CSF1: variants seen among roughly 807,000 people sequenced by gnomAD.
CSF1 encodes the protein colony stimulating factor 1, also known as macrophage colony-stimulating factor 1.
In CSF1, 9 loss-of-function variants were observed where a neutral mutation model predicts 48.9. The ratio of observed to expected loss-of-function variants is 0.18; its 90% CI spans 0.11 to 0.32. The LOEUF (loss-of-function observed/expected upper bound fraction) is 0.32. Among genes scored for constraint, CSF1 ranks in the 10% least tolerant of loss-of-function variants. The pLI is 1.00. For missense variants in CSF1, 672 were observed against 697.9 expected (o/e 0.96, Z 0.42); for synonymous variants, 305 against 284.1 (o/e 1.07, Z -0.74).
intron 8 of CSF1, chr1:109,926,393 G>A (rs1234461685): frequency 1.3e-5 from 2 of 152,320 alleles, no homozygotes; most frequent in East Asian, 3.9e-4. Flanking sequence ...TGCAGTTTAT[G>A]TTCACCTTTG....
At position 109,912,031 on chromosome 1, in the gene CSF1, G is replaced by T. The variant is rs549339016; in HGVS notation, c.39+969G>T. 7.2e-5 allele frequency among the ~76,000 whole-genome samples: 11 copies of T among 152,162 alleles called. No individual in the cohort carries two copies. The East Asian group carries it at 2.1e-3, about 29-fold the overall frequency. On this transcript the variant is annotated intron_variant, in intron 1 of 8. Coordinates refer to ENST00000329608, the MANE Select transcript of CSF1 (RefSeq NM_000757.6). The stretch of plus-strand genomic sequence containing the variant: ...GAAAAGAGCAGAAAATTATTTGGGG[G>T]TAGAGGAGAGCGGGCTGCAGGTGAG...
chr1:109,916,451 C>T (rs1045358365), intron 3 of CSF1, among the ~76,000 whole-genome samples: 1 of 152,178 alleles, frequency 6.6e-6, no homozygotes, highest in Non-Finnish European at 1.5e-5. Flanking sequence ...CAGGTCTAGC[C>T]ATTCTCCACC....
At chr1:109,914,491 C>G in intron 2 of CSF1, 110 bp downstream of exon 2, 3 of 1,284,392 alleles carry the variant, frequency 2.3e-6, no homozygotes, top group Non-Finnish European at 3.1e-6. Context: ...TAGGGCAGTG[C>G]GGGACATTGC....
At chr1:109,924,329 G>A (rs767522630) in intron 6 of CSF1, 139 bp downstream of exon 6, 196 of 718,794 alleles carry the variant, frequency 2.7e-4, no homozygotes, top group Non-Finnish European at 4.1e-4. Flanking sequence ...TCAGCACAGA[G>A]GATGAGAGGT....
At chr1:109,913,293 C>T (rs561128774) in intron 1 of CSF1, among the ~76,000 whole-genome samples, 48 of 152,300 alleles carry the variant, frequency 3.2e-4, no homozygotes, top group Admixed American at 8.5e-4. Context: ...GGGCATCAGC[C>T]GCCAGGAGGC....
intron 1 of CSF1, among the ~76,000 whole-genome samples, chr1:109,913,181 A>AT (rs1654764379): frequency 6.6e-6 from 1 of 152,178 alleles, no homozygotes; most frequent in Non-Finnish European, 1.5e-5. Flanking sequence ...TGAGCAACTT[A>AT]TTTGCAGTAT....
rs1269965661 is a variant in CSF1, at chr1:109,923,950, G to A, written c.1329G>A (p.Arg443=). ...TGCCCCTTGGGGAGCTGGAGGGCAG[G>A]AGGAGCACCAGGGATCGGAGGAGCC... ...SVLPLGELEG[R]RSTRDRRSPA... is the part of the protein sequence containing the mutation. Residue 443 remains arginine, a synonymous_variant, in exon 6 of 9, where the codon AGG becomes AGA. Transcript: ENST00000329608. 1 of 1,614,082 alleles carries A rather than the reference G, an allele frequency of 6.2e-7. No individual in the cohort carries two copies. Among genetic ancestry groups the A allele is most frequent in the Admixed American group, 1.7e-5 (1 of 60,014 alleles).
rs774283172 is a variant in CSF1 at position 109,923,200 on chromosome 1, C to T, written c.579C>T (p.Tyr193=). The change falls in exon 6 of 9, where the codon TAC becomes TAT. Residue 193 remains tyrosine (Y), a synonymous_variant. Transcript: ENST00000329608. ...CCAAGCCTGATTGCAACTGCCTGTA[C>T]CCCAAAGCCATCCCTAGCAGTGACC... ...VVTKPDCNCL[Y]PKAIPSSDPA... The T allele has an allele frequency of 1.3e-6, 2 of 1,534,106 alleles. No homozygotes were observed. The highest frequency in any genetic ancestry group is 1.4e-5 in the African/African-American group (1 of 72,260).
Position 109,929,207 on chromosome 1 carries a change from GT to G in CSF1, c.*372del, listed in dbSNP as rs41374145. The G allele has an allele frequency of 3.9e-5, 6 of 152,784 alleles. No individual in the cohort carries two copies. Among genetic ancestry groups the G allele is most frequent in the Admixed American group, 2.0e-4 (3 of 15,296 alleles). 9.5% of individuals were successfully genotyped at this position (152,784 alleles called of 1,614,324 possible). On this transcript the variant is annotated 3_prime_UTR_variant, in exon 9 of 9. Transcript: ENST00000329608. ...CAGGCCAGGGACCCACCGGCCTGTG[GT>G]TTGTGGGAAAGCAGGGTGGACGCTG... is the stretch of plus-strand genomic sequence containing the variant.
chr1:109,926,856 GT>G (rs1647864579), intron 8 of CSF1: 1 of 151,822 alleles, frequency 6.6e-6, no homozygotes, highest in Non-Finnish European at 1.5e-5. Flanking sequence ...ACTTTTTTTT[GT>G]GTTTCTTTTT....
chr1:109,922,953 C>T (rs1381112804), intron 5 of CSF1, among the ~76,000 whole-genome samples: 1 of 152,142 alleles, frequency 6.6e-6, no homozygotes. Flanking sequence ...TATTCTTTGT[C>T]ACTGCTCATG....
At chr1:109,926,281 G>C (rs1468778338) in intron 8 of CSF1, 2 of 152,160 alleles carry the variant, frequency 1.3e-5, no homozygotes, top group Non-Finnish European at 2.9e-5. Flanking sequence ...CATATGTTGA[G>C]CCTGTGGTCT....
chr1:109,923,704 T>C lies in CSF1; in HGVS notation c.1083T>C (p.Asp361=). ...CAGCAAAGGGCCAACAGCCGGCAGATGTAACTGGTACCGCCTTGCCCAGGG... is the reference window on the plus strand; with the variant it reads ...CAGCAAAGGGCCAACAGCCGGCAGACGTAACTGGTACCGCCTTGCCCAGGG... ...PASAKGQQPA[D]VTGTALPRVG... The change falls in exon 6 of 9, where the codon GAT becomes GAC. Residue 361 remains aspartate, a synonymous_variant. Coordinates refer to ENST00000329608, the MANE Select transcript of CSF1 (RefSeq NM_000757.6). The C allele has an allele frequency of 1.9e-6, 3 of 1,613,484 alleles. No homozygotes were observed. Among genetic ancestry groups the C allele is most frequent in the African/African-American group, 1.3e-5 (1 of 75,040 alleles).
At chr1:109,926,885 A>G (rs1172536697) in intron 8 of CSF1, 1 of 152,176 alleles carries the variant, frequency 6.6e-6, no homozygotes, top group Non-Finnish European at 1.5e-5. Flanking sequence ...GGGTTCTACT[A>G]AGAGAGGGCC....
At chr1:109,918,355 G>T (rs184267773) in intron 4 of CSF1, among the ~76,000 whole-genome samples, 95 of 152,304 alleles carry the variant, frequency 6.2e-4, no homozygotes, top group Non-Finnish European at 1.2e-3. Flanking sequence ...TTGTCTTAAG[G>T]GTGAGGGAAG....
chr1:109,924,731 C>T (rs535745356), intron 6 of CSF1, 45 bp from the exon 7 acceptor site: 73 of 1,543,634 alleles, frequency 4.7e-5, no homozygotes, highest in East Asian at 4.9e-5. Context: ...ACCGCCCCCC[C>T]ACACTCCCCC....
chr1:109,923,552 G>A lies in CSF1; in HGVS notation c.931G>A (p.Glu311Lys). 1 of 1,614,200 alleles carries A rather than the reference G, an allele frequency of 6.2e-7. No individual in the cohort carries two copies. The highest frequency in any genetic ancestry group is 8.5e-7 in the Non-Finnish European group (1 of 1,180,020). Residue 311 changes from glutamate (E) to lysine (K), a missense_variant, in exon 6 of 9, where the codon GAG becomes AAG. This residue lies in a region of CSF1 where 591 missense variants were observed against 593.6 expected (regional missense o/e 1.00). Coordinates refer to ENST00000329608, the MANE Select transcript of CSF1 (RefSeq NM_000757.6). The stretch of plus-strand genomic sequence containing the variant: ...TTGGGTCCCAGAAGAAGCCTCTGGA[G>A]AGGCCAGTGAGATTCCCGTACCCCA... ...TNWVPEEASG[E>K]ASEIPVPQGT...
intron 8 of CSF1, chr1:109,926,180 T>C (rs1164534900): frequency 6.6e-6 from 1 of 152,262 alleles, no homozygotes; most frequent in African/African-American, 2.4e-5. Flanking sequence ...ACAGTGGGAC[T>C]GTTACCTTCC....
At chr1:109,917,802 C>CTGTTG (rs905472843) in intron 4 of CSF1, among the ~76,000 whole-genome samples, 1 of 152,178 alleles carries the variant, frequency 6.6e-6, no homozygotes, top group African/African-American at 2.4e-5. Context: ...TATTGTGTGT[C>CTGTTG]TGTTGTGTAC....
Sources: gnomAD v4.1 joint callset for allele counts (sites outside exome capture counted in the v4.1 genomes callset) on GRCh38, gnomAD v4.1.1 for gene constraint, gnomAD v4.1.1 regional missense constraint, MANE v1.5 for transcripts, NCBI Gene and HGNC (gene_info 2026-07-23, HGNC 2026-07-21) for gene names.